The following LRRFIP2 variants were observed in gnomAD, a reference collection of about 807,000 sequenced individuals.
LRRFIP2 encodes the protein leucine-rich repeat flightless-interacting protein 2.
Under a neutral mutation model 125.9 loss-of-function variants are expected in LRRFIP2, and 109 were observed. The ratio of observed to expected loss-of-function variants is 0.87; its 90% CI spans 0.74 to 1.01. The LOEUF (loss-of-function observed/expected upper bound fraction) is 1.01. LRRFIP2 is among the 50% of genes least tolerant of loss of function. The probability of loss-of-function intolerance (pLI) is 0.00; values close to 1 mark genes in which losing one functional copy is unlikely to be tolerated. For synonymous variants in LRRFIP2, 291 were observed against 293.1 expected, an observed-to-expected ratio of 0.99 and a Z score of 0.07; for missense variants, 850 against 862.3, an observed-to-expected ratio of 0.99 and a Z score of 0.18.
intron 15 of LRRFIP2, among the ~76,000 whole-genome samples, chr3:37,100,389 T>C (rs940936843): frequency 1.1e-4 from 16 of 151,994 alleles, no homozygotes; most frequent in Non-Finnish European, 4.4e-5. Context: ...TATACATACA[T>C]ACATACATGT....
intron 1 of LRRFIP2, among the ~76,000 whole-genome samples, chr3:37,159,709 G>A (rs189089983): frequency 3.9e-4 from 59 of 151,416 alleles, no homozygotes; most frequent in Admixed American, 7.9e-4. Context: ...GTTTCACCAC[G>A]TTGGCCAGGC....
At chr3:37,077,882 G>T (rs969455219) in intron 19 of LRRFIP2, among the ~76,000 whole-genome samples, 4 of 152,162 alleles carry the variant, frequency 2.6e-5, no homozygotes, top group Non-Finnish European at 5.9e-5. Context: ...TATGCTAAAT[G>T]AAGTAAACCA....
At chr3:37,092,269 C>T (rs2093486001) in intron 17 of LRRFIP2, among the ~76,000 whole-genome samples, 1 of 152,134 alleles carries the variant, frequency 6.6e-6, no homozygotes, top group Admixed American at 6.5e-5. Context: ...TCTGAATGCT[C>T]GATTTATGTC....
At chr3:37,105,663 T>A in intron 13 of LRRFIP2, 140 bp from the exon 14 acceptor site, 1 of 554,508 alleles carries the variant, frequency 1.8e-6, no homozygotes, top group Non-Finnish European at 3.2e-6. Context: ...AGTGGGCACC[T>A]TATATATTAA....
rs759985322 is a variant in LRRFIP2 at position 37,061,408 on chromosome 3, C to CTT, written c.1749+2332_1749+2333dup. On this transcript the variant is annotated intron_variant, in intron 24 of 27. Coordinates refer to ENST00000336686, the MANE Select transcript of LRRFIP2 (RefSeq NM_006309.4). Reference sequence around the variant, plus strand: ...CTTTTCTTTTTCTTTTTCTTTTTTCCTTTTTTTTTTTTTTGAGACAAAGTC... The same window carrying CTT: ...CTTTTCTTTTTCTTTTTCTTTTTTCCTTTTTTTTTTTTTTTTGAGACAAAGTC... 2.7e-4 allele frequency among the ~76,000 whole-genome samples: 37 copies of CTT among 138,810 alleles called. 1 individual carries two copies. Among genetic ancestry groups the CTT allele is most frequent in the Middle Eastern group, 7.4e-3 (2 of 272 alleles). 91.1% of individuals were successfully genotyped at this position (138,810 alleles called of 152,430 possible). A position where few individuals can be genotyped will look rare whatever the true frequency, so the allele number is the denominator to read the frequency against.
Position 37,056,931 on chromosome 3 carries a change from C to T in LRRFIP2, c.1871-1766G>A, listed in dbSNP as rs925005555. On this transcript the variant is annotated intron_variant, in intron 25 of 27. Transcript: ENST00000336686. Reference sequence around the variant, plus strand: ...TTCTCACTCTCCAAACCACCTTTCCCTTCCTGTTTTCAAAAGTTTAAGTCT... The same window carrying T: ...TTCTCACTCTCCAAACCACCTTTCCTTTCCTGTTTTCAAAAGTTTAAGTCT... Among the ~76,000 whole-genome samples the T allele has an allele frequency of 3.9e-5, 6 of 152,236 alleles. No individual in the cohort carries two copies. The East Asian group carries it at 1.2e-3, about 29-fold the overall frequency.
At chr3:37,083,519 G>T in intron 19 of LRRFIP2, 117 bp downstream of exon 19, 1 of 672,658 alleles carries the variant, frequency 1.5e-6, no homozygotes, top group Non-Finnish European at 2.4e-6. Flanking sequence ...ATTTCCTTGG[G>T]CCATTCAGTT....
At chr3:37,093,341 C>T (rs1457914852) in intron 17 of LRRFIP2, 6 of 152,634 alleles carry the variant, frequency 3.9e-5, no homozygotes, top group African/African-American at 1.4e-4. Context: ...TCTCCTCTCA[C>T]CCACGCAGGT....
At chr3:37,161,018 T>G (rs2096324201) in intron 1 of LRRFIP2, among the ~76,000 whole-genome samples, 1 of 151,878 alleles carries the variant, frequency 6.6e-6, no homozygotes, top group African/African-American at 2.4e-5. Flanking sequence ...ATGCGGCATA[T>G]CCATAAAATG....
intron 2 of LRRFIP2, among the ~76,000 whole-genome samples, chr3:37,145,797 G>A (rs183395349): frequency 9.7e-4 from 147 of 152,266 alleles, no homozygotes; most frequent in African/African-American, 2.6e-3. Flanking sequence ...ATAGTAAGAG[G>A]TTAAATGCAC....
At chr3:37,079,666 A>G (rs1170722933) in intron 19 of LRRFIP2, among the ~76,000 whole-genome samples, 1 of 152,244 alleles carries the variant, frequency 6.6e-6, no homozygotes, top group African/African-American at 2.4e-5. Flanking sequence ...AAAAGTATAA[A>G]CAACCCAAAT....
chr3:37,099,399 A>G (rs983049426), intron 15 of LRRFIP2, among the ~76,000 whole-genome samples: 2 of 152,246 alleles, frequency 1.3e-5, no homozygotes, highest in African/African-American at 4.8e-5. Context: ...TAAACAGAAT[A>G]AAATTTAATC....
intron 1 of LRRFIP2, among the ~76,000 whole-genome samples, chr3:37,169,070 T>C (rs1213379772): frequency 2.6e-5 from 4 of 152,222 alleles, no homozygotes; most frequent in African/African-American, 9.7e-5. Context: ...CACAAGTTTA[T>C]GGCCCAGGAA....
chr3:37,063,741 C>T lies in LRRFIP2; in HGVS notation c.1749+1G>A. The T allele has an allele frequency of 1.2e-6, 2 of 1,608,342 alleles. No homozygotes were observed. The highest frequency in any genetic ancestry group is 1.7e-6 in the Non-Finnish European group (2 of 1,174,888). ...TTACACTCCAATAAGAATGCCTTTA[C>T]CTGTGACAGTAGTTCTTCCTTCTCT... On this transcript the variant is annotated splice_donor_variant, in intron 24 of 27. Transcript: ENST00000336686. LOFTEE classifies it high-confidence loss of function.
At chr3:37,173,912 T>C (rs2096620565) in intron 1 of LRRFIP2, among the ~76,000 whole-genome samples, 1 of 152,252 alleles carries the variant, frequency 6.6e-6, no homozygotes, top group South Asian at 2.1e-4. Flanking sequence ...ACTTAAATCC[T>C]GACCTAGGAA....
At chr3:37,074,948 T>C in intron 20 of LRRFIP2, 76 bp downstream of exon 20, 1 of 955,736 alleles carries the variant, frequency 1.0e-6, no homozygotes, top group South Asian at 1.3e-5. Flanking sequence ...TAACTCTCCT[T>C]CCCTCCCAAC....
At chr3:37,080,647 TTACAGAGAA>T (rs2092558940) in intron 19 of LRRFIP2, among the ~76,000 whole-genome samples, 1 of 151,846 alleles carries the variant, frequency 6.6e-6, no homozygotes, top group Non-Finnish European at 1.5e-5. Flanking sequence ...AACTACCTAT[TTACAGAGAA>T]TACAGAGGAA....
chr3:37,096,860 G>A (rs2093744960), intron 15 of LRRFIP2, among the ~76,000 whole-genome samples, 200 bp from the exon 16 acceptor site: 1 of 152,056 alleles, frequency 6.6e-6, no homozygotes, highest in Non-Finnish European at 1.5e-5. Flanking sequence ...GGGAGACACT[G>A]AGTAAGCAAT....
chr3:37,143,252 G>A (rs1420911119), intron 2 of LRRFIP2, among the ~76,000 whole-genome samples: 1 of 152,150 alleles, frequency 6.6e-6, no homozygotes, highest in East Asian at 1.9e-4. Context: ...CATAAGACAA[G>A]CAGATAACTC....
Sources: allele counts gnomAD v4.1 joint callset (sites outside exome capture counted in the v4.1 genomes callset), GRCh38; gene constraint gnomAD v4.1.1; transcripts MANE v1.5; gene names NCBI Gene and HGNC (gene_info 2026-07-23, HGNC 2026-07-21).